Variants in PCNX2 observed in about 807,000 individuals in gnomAD.
The protein encoded by PCNX2 is pecanex-like protein 2.
A neutral mutation model predicts 223.8 loss-of-function variants in PCNX2; 168 were observed. The observed-to-expected ratio is 0.75, with a 90% CI of 0.66 to 0.85. PCNX2 has a LOEUF of 0.85. Among genes scored for constraint, PCNX2 ranks in the 40% least tolerant of loss-of-function variants. The pLI is 0.00. For missense variants in PCNX2, 2,507 were observed against 2,675.5 expected (o/e 0.94, Z 1.39); for synonymous variants, 1,006 against 1,052.6 (o/e 0.96, Z 0.86).
At chr1:233,008,455 T>C (rs1268585551) in intron 28 of PCNX2, among the ~76,000 whole-genome samples, 3 of 152,222 alleles carry the variant, frequency 2.0e-5, no homozygotes, top group African/African-American at 7.2e-5. Flanking sequence ...TTGTCATCAA[T>C]TTCTTTCTGT....
chr1:233,080,913 G>A (rs765297793), intron 23 of PCNX2, among the ~76,000 whole-genome samples: 5 of 152,172 alleles, frequency 3.3e-5, no homozygotes, highest in Non-Finnish European at 7.3e-5. Context: ...GAAGATTCCT[G>A]AAGACTCCCT....
At chr1:233,254,419 T>C (rs1010987449) in intron 5 of PCNX2, among the ~76,000 whole-genome samples, 1 of 152,234 alleles carries the variant, frequency 6.6e-6, no homozygotes, top group East Asian at 1.9e-4. Context: ...CTAAGTGTCT[T>C]TGAATTCATT....
At chr1:233,098,894 G>C (rs1674327281) in intron 21 of PCNX2, among the ~76,000 whole-genome samples, 1 of 152,178 alleles carries the variant, frequency 6.6e-6, no homozygotes, top group African/African-American at 2.4e-5. Context: ...CTTCATCTTT[G>C]TTAAAAGCTT....
chr1:233,096,069 T>C (rs1674144678), intron 21 of PCNX2, among the ~76,000 whole-genome samples: 1 of 152,232 alleles, frequency 6.6e-6, no homozygotes. Context: ...AGAAGAAATC[T>C]TGCATGGTTA....
intron 26 of PCNX2, among the ~76,000 whole-genome samples, chr1:233,017,582 C>T (rs1207052643): frequency 6.6e-6 from 1 of 151,984 alleles, no homozygotes; most frequent in Non-Finnish European, 1.5e-5. Context: ...TCCCAAAGTG[C>T]TGGGATTACA....
intron 26 of PCNX2, among the ~76,000 whole-genome samples, chr1:233,018,411 A>T (rs563815001): frequency 6.6e-6 from 1 of 152,342 alleles, no homozygotes; most frequent in East Asian, 1.9e-4. Context: ...GACAGTGGAC[A>T]TCTGTGATAC....
At chr1:233,192,699 T>A (rs1477265752) in intron 15 of PCNX2, among the ~76,000 whole-genome samples, 2 of 152,060 alleles carry the variant, frequency 1.3e-5, no homozygotes, top group African/African-American at 4.8e-5. Context: ...TCGAATAATA[T>A]GAATGCCAAA....
intron 15 of PCNX2, among the ~76,000 whole-genome samples, chr1:233,180,432 T>C (rs1344265285): frequency 6.6e-6 from 1 of 152,198 alleles, no homozygotes; most frequent in African/African-American, 2.4e-5. Flanking sequence ...CATCTACATA[T>C]TTAATCTTCT....
At chr1:233,141,081 G>T (rs1037225308) in intron 19 of PCNX2, among the ~76,000 whole-genome samples, 9 of 152,004 alleles carry the variant, frequency 5.9e-5, no homozygotes, top group Non-Finnish European at 1.3e-4. Flanking sequence ...GAGTTAAAAA[G>T]AGAGTTATGT....
intron 10 of PCNX2, among the ~76,000 whole-genome samples, chr1:233,222,182 G>T (rs545793706): frequency 6.6e-6 from 1 of 152,202 alleles, no homozygotes; most frequent in African/African-American, 2.4e-5. Context: ...CTGGAGGATT[G>T]CCTGGCATGC....
chr1:233,139,379 A>C lies in PCNX2; in HGVS notation c.3659+335T>G, dbSNP rs1461007767. Among the ~76,000 whole-genome samples, 1 of 152,346 alleles carries C rather than the reference A, an allele frequency of 6.6e-6. No homozygotes were observed. Among genetic ancestry groups the C allele is most frequent in the South Asian group, 2.1e-4 (1 of 4,830 alleles). ...TGAAGCAGTTCATAAAGCTCTAAGCATGATGTTAAGAACTCCAGGAATCCT... is the reference window on the plus strand; with the variant it reads ...TGAAGCAGTTCATAAAGCTCTAAGCCTGATGTTAAGAACTCCAGGAATCCT... On this transcript the variant is annotated intron_variant, in intron 20 of 33. Coordinates refer to ENST00000258229, the MANE Select transcript of PCNX2 (RefSeq NM_014801.4). The surrounding 1 kb of genome is among the most constrained non-coding windows in gnomAD (Gnocchi z 4.4).
chr1:233,078,711 A>G (rs1345027812), intron 23 of PCNX2, among the ~76,000 whole-genome samples: 1 of 152,208 alleles, frequency 6.6e-6, no homozygotes, highest in Admixed American at 6.5e-5. Flanking sequence ...GGTCGGCTAC[A>G]CTATTCTGCA....
chr1:233,199,629 T>A (rs1240532760), intron 14 of PCNX2, among the ~76,000 whole-genome samples: 1 of 152,162 alleles, frequency 6.6e-6, no homozygotes, highest in African/African-American at 2.4e-5. Context: ...TGAGATTATA[T>A]CCACCTTGGT....
chr1:233,185,978 A>T (rs1313002421), intron 15 of PCNX2, among the ~76,000 whole-genome samples: 1 of 152,156 alleles, frequency 6.6e-6, no homozygotes, highest in Non-Finnish European at 1.5e-5. Context: ...TGCATTTGGG[A>T]ATTATCTGAC....
At chr1:233,151,275 A>G (rs527634601) in intron 19 of PCNX2, among the ~76,000 whole-genome samples, 2 of 152,294 alleles carry the variant, frequency 1.3e-5, no homozygotes, top group Admixed American at 6.5e-5. Context: ...AGGTTAAGCT[A>G]CTTCTGATAA....
At chr1:233,083,497 G>T (rs1404578720) in intron 23 of PCNX2, among the ~76,000 whole-genome samples, 1 of 152,208 alleles carries the variant, frequency 6.6e-6, no homozygotes, top group Non-Finnish European at 1.5e-5. Context: ...AGCGAGAAGA[G>T]GCTGGATGGT....
chr1:233,149,888 T>TTATA (rs10636256), intron 19 of PCNX2, among the ~76,000 whole-genome samples: 97,695 of 149,404 alleles, frequency 0.65, 32,415 homozygotes, highest in African/African-American at 0.77. Flanking sequence ...AAGCCTCAAT[T>TTATA]TATATATATA....
chr1:233,097,019 A>C (rs973487270), intron 21 of PCNX2, among the ~76,000 whole-genome samples: 2 of 152,210 alleles, frequency 1.3e-5, no homozygotes, highest in Non-Finnish European at 2.9e-5. Context: ...TGATTCTCAT[A>C]AATATTCTGG....
intron 25 of PCNX2, chr1:233,033,325 A>G (rs747049759): frequency 6.9e-5 from 30 of 436,004 alleles, no homozygotes; most frequent in Non-Finnish European, 7.3e-5. Context: ...AGTGCAAATG[A>G]GAGGTAAGAA....
Sources: gnomAD v4.1 joint callset for allele counts (sites outside exome capture counted in the v4.1 genomes callset) on GRCh38, gnomAD v4.1.1 for gene constraint, Gnocchi (gnomAD v3.1) non-coding constraint, MANE v1.5 for transcripts, NCBI Gene and HGNC (gene_info 2026-07-23, HGNC 2026-07-21) for gene names.